Variants in ARHGEF3 observed in about 807,000 individuals in gnomAD.
ARHGEF3 encodes Rho guanine nucleotide exchange factor 3.
A neutral mutation model predicts 63.2 loss-of-function variants in ARHGEF3; 28 were observed. The observed-to-expected ratio is 0.44, with a 90% CI of 0.33 to 0.61. ARHGEF3 has a LOEUF of 0.61. Ranked by LOEUF, ARHGEF3 falls within the 20% of genes least tolerant of loss-of-function variation. The pLI is 0.03. For missense variants in ARHGEF3, 533 were observed against 659.3 expected (o/e 0.81, Z 2.10); for synonymous variants, 266 against 254.2 (o/e 1.05, Z -0.44).
chr3:56,729,746 T>A lies in ARHGEF3; in HGVS notation c.1229-124A>T, dbSNP rs138738446. 1,182 of 783,086 alleles carry A rather than the reference T, an allele frequency of 1.5e-3. 13 individuals carry two copies. In the African/African-American group the frequency reaches 0.019, roughly 13 times the overall value. The allele number at this position is 783,086 out of a possible 1,614,324, so 48.5% of individuals were successfully genotyped here. On this transcript the variant is annotated intron_variant, in intron 9 of 9. Coordinates refer to ENST00000296315, the MANE Select transcript of ARHGEF3 (RefSeq NM_019555.3). ...CAGGTATTGCTGATAACAAAACGTT[T>A]CCCACTGATCTGGGGCATGGCTCAG...
chr3:56,797,732 T>C (rs946291060), intron 1 of ARHGEF3, among the ~76,000 whole-genome samples: 1 of 152,188 alleles, frequency 6.6e-6, no homozygotes, highest in African/African-American at 2.4e-5. Context: ...GAGCATAGGG[T>C]TCACCTTGCC....
intron 1 of ARHGEF3, among the ~76,000 whole-genome samples, chr3:56,785,944 G>A (rs1257287104): frequency 5.3e-5 from 8 of 152,154 alleles, no homozygotes; most frequent in East Asian, 1.9e-4. Context: ...CAAGAACAAC[G>A]GTTTTGAGCA....
At chr3:56,948,710 G>A (rs1240067960) in intron 3 of ARHGEF3, among the ~76,000 whole-genome samples, 3 of 152,262 alleles carry the variant, frequency 2.0e-5, no homozygotes, top group East Asian at 1.9e-4. Flanking sequence ...ACAAGGAGGA[G>A]CTGGTACCAT....
At chr3:57,059,841 A>T (rs561600289) in intron 1 of ARHGEF3, among the ~76,000 whole-genome samples, 1 of 152,048 alleles carries the variant, frequency 6.6e-6, no homozygotes, top group South Asian at 2.1e-4. Flanking sequence ...TACTAAAAAT[A>T]CAAAAGTAGC....
rs754077473 is a variant in ARHGEF3 at position 56,801,767 on chromosome 3, G to A, written c.32C>T (p.Thr11Met). The A allele has an allele frequency of 5.7e-5, 89 of 1,568,860 alleles. No individual in the cohort carries two copies. Among genetic ancestry groups the A allele is most frequent in the Middle Eastern group, 3.3e-4 (2 of 6,028 alleles). Residue 11 changes from threonine (T) to methionine (M), a missense_variant, in exon 1 of 10, where the codon ACG becomes ATG. Thr to Met is a moderately conservative substitution (Grantham distance 81). This residue lies in a region of ARHGEF3 where 160 missense variants were observed against 157.3 expected (regional missense o/e 1.02). Transcript: ENST00000296315. MVAKDYPFYL[T>M]VKRANCSLEL... is the part of the protein sequence containing the mutation. ...CAGGCTGCAGTTCGCTCTCTTGACC[G>A]TGAGGTAGAAGGGGTAATCCTTGGC... is the stretch of plus-strand genomic sequence containing the variant.
At chr3:57,056,290 G>A (rs865827580) in intron 1 of ARHGEF3, among the ~76,000 whole-genome samples, 16 of 151,192 alleles carry the variant, frequency 1.1e-4, no homozygotes, top group African/African-American at 2.7e-4. Context: ...GGGAGGCTGA[G>A]GCAGGAGAAT....
At chr3:57,064,554 C>A (rs1300761082) in intron 1 of ARHGEF3, among the ~76,000 whole-genome samples, 2 of 152,124 alleles carry the variant, frequency 1.3e-5, no homozygotes, top group Admixed American at 6.6e-5. Flanking sequence ...CCCCTGGGCT[C>A]AACATCCGCC....
chr3:56,812,369 G>A (rs2038097382), intron 4 of ARHGEF3, among the ~76,000 whole-genome samples: 1 of 152,190 alleles, frequency 6.6e-6, no homozygotes, highest in African/African-American at 2.4e-5. Flanking sequence ...TCTCAGATAT[G>A]ATAGAGCTTT....
At chr3:56,769,302 T>C (rs1047421104) in intron 2 of ARHGEF3, among the ~76,000 whole-genome samples, 1 of 152,146 alleles carries the variant, frequency 6.6e-6, no homozygotes, top group Non-Finnish European at 1.5e-5. Flanking sequence ...CCTTCCTCAC[T>C]CCACACCAGA....
chr3:56,904,188 C>A (rs1050136996), intron 3 of ARHGEF3, among the ~76,000 whole-genome samples: 15 of 152,130 alleles, frequency 9.9e-5, no homozygotes, highest in Admixed American at 4.6e-4. Context: ...TGCCACCATG[C>A]CCAGCTAACT....
intron 1 of ARHGEF3, among the ~76,000 whole-genome samples, chr3:56,778,637 G>A (rs766478302): frequency 2.6e-5 from 4 of 152,108 alleles, no homozygotes; most frequent in African/African-American, 2.4e-5. Flanking sequence ...GGCTCAAGCA[G>A]ATCTTCCCAC....
chr3:56,851,591 T>C (rs1165262500), intron 4 of ARHGEF3, among the ~76,000 whole-genome samples: 1 of 152,074 alleles, frequency 6.6e-6, no homozygotes, highest in Non-Finnish European at 1.5e-5. Context: ...TTTTACCATG[T>C]CGCCCAAGTT....
chr3:56,868,296 C>A (rs557739857), intron 4 of ARHGEF3, among the ~76,000 whole-genome samples: 1 of 152,000 alleles, frequency 6.6e-6, no homozygotes, highest in Non-Finnish European at 1.5e-5. Flanking sequence ...ACCTTCCCGA[C>A]TGAACCTTTG....
chr3:56,795,672 A>G (rs998163084), intron 1 of ARHGEF3, among the ~76,000 whole-genome samples: 2 of 43,602 alleles, frequency 4.6e-5, no homozygotes, highest in Non-Finnish European at 8.0e-5. Context: ...TTTTTTGAAG[A>G]TGGACTCTTG....
At chr3:56,968,216 TATATATAATATATATATA>T (rs1700718169) in intron 2 of ARHGEF3, among the ~76,000 whole-genome samples, 2 of 18,950 alleles carry the variant, frequency 1.1e-4, no homozygotes, top group Admixed American at 1.4e-3. Context: ...AAATATATAT[TATATATAATATATATATA>T]AATATATATA....
In ARHGEF3 at chr3:56,755,130, C is replaced by A; in HGVS notation, c.226G>T (p.Glu76Ter). 6.2e-7 allele frequency: 1 copy of A among 1,613,748 alleles called. No individual in the cohort carries two copies. Among genetic ancestry groups the A allele is most frequent in the Non-Finnish European group, 8.5e-7 (1 of 1,180,014 alleles). ...GGGGCGAGGATGTCAGGGCGGCTCT[C>A]ACTGCGGAAGCTAATGGAGCGCTAA... ...TLQRSISFRS[E>*]SRPDILAPRP... The change falls in exon 3 of 10, where the codon GAG becomes TAG. Residue 76 changes from glutamate to a stop codon, truncating the protein, a stop_gained. Coordinates refer to ENST00000296315, the MANE Select transcript of ARHGEF3 (RefSeq NM_019555.3). LOFTEE classifies it high-confidence loss of function.
intron 3 of ARHGEF3, among the ~76,000 whole-genome samples, chr3:56,947,744 T>A (rs1285482455): frequency 6.6e-6 from 1 of 151,990 alleles, no homozygotes; most frequent in Non-Finnish European, 1.5e-5. Context: ...ACAAGGATAT[T>A]GAGGAATTGA....
intron 3 of ARHGEF3, among the ~76,000 whole-genome samples, chr3:56,895,242 T>A (rs1018384773): frequency 3.3e-5 from 5 of 152,170 alleles, no homozygotes; most frequent in Non-Finnish European, 7.3e-5. Context: ...TTCTGACAGA[T>A]TCTCTACGGA....
At chr3:56,989,297 T>A (rs1701657821) in intron 2 of ARHGEF3, among the ~76,000 whole-genome samples, 1 of 152,164 alleles carries the variant, frequency 6.6e-6, no homozygotes, top group Non-Finnish European at 1.5e-5. Flanking sequence ...CTTGCGTTTT[T>A]TTTTTGCTGG....
Sources: gnomAD v4.1 joint callset for allele counts (sites outside exome capture counted in the v4.1 genomes callset) on GRCh38, gnomAD v4.1.1 for gene constraint, gnomAD v4.1.1 regional missense constraint, MANE v1.5 for transcripts, NCBI Gene and HGNC (gene_info 2026-07-23, HGNC 2026-07-21) for gene names.